Variants in RSPH14 observed in about 807,000 individuals in gnomAD.
RSPH14 encodes the protein radial spoke head 14 homolog.
Under a neutral mutation model 26.7 loss-of-function variants are expected in RSPH14, and 20 were observed. The observed-to-expected ratio is 0.75, with a 90% CI of 0.53 to 1.09. The LOEUF (loss-of-function observed/expected upper bound fraction) is 1.09. Ranked by LOEUF, RSPH14 falls within the 50% of genes least tolerant of loss-of-function variation. The pLI, the probability that RSPH14 is intolerant of heterozygous loss-of-function variation, is 0.00. For missense variants in RSPH14, 449 were observed against 457.2 expected (o/e 0.98, Z 0.16); for synonymous variants, 177 against 189.3 (o/e 0.93, Z 0.53).
At chr22:23,065,965 A>G (rs1026520973) in intron 4 of RSPH14, among the ~76,000 whole-genome samples, 8 of 151,782 alleles carry the variant, frequency 5.3e-5, no homozygotes, top group African/African-American at 1.7e-4. Flanking sequence ...TGCCCATACC[A>G]CACACCTGGC....
chr22:23,131,407 T>C (rs1048749956), intron 4 of RSPH14: 7 of 249,604 alleles, frequency 2.8e-5, no homozygotes, highest in African/African-American at 1.6e-4. Flanking sequence ...GGAAGAGTGC[T>C]CTGGGTGGGG....
At chr22:23,092,758 A>G (rs1026139081) in intron 4 of RSPH14, among the ~76,000 whole-genome samples, 2 of 152,212 alleles carry the variant, frequency 1.3e-5, no homozygotes, top group African/African-American at 4.8e-5. Flanking sequence ...GAGCACATAC[A>G]TCCCAAAGCA....
intron 4 of RSPH14, among the ~76,000 whole-genome samples, chr22:23,066,750 C>T (rs1395297906): frequency 6.6e-6 from 1 of 152,036 alleles, no homozygotes; most frequent in Non-Finnish European, 1.5e-5. Context: ...TGAGCGTCCG[C>T]TGGGGGTGGG....
At chr22:23,170,075 CAACTGAACAAGACCCTTTAAAAA>C in the RSPH14 span, among the ~76,000 whole-genome samples, 1 of 134,036 alleles carries the variant, frequency 7.5e-6, no homozygotes, top group Non-Finnish European at 1.6e-5. Context: ...CCCTCCTAAG[CAACTGAACAAGACCCTTTAAAAA>C]AAAAAAAAAA....
chr22:23,063,931 G>C lies in RSPH14; in HGVS notation c.624C>G (p.Ser208Arg), dbSNP rs1467607768. The change falls in exon 5 of 7, where the codon AGC becomes AGG. Residue 208 changes from serine (S) to arginine (R), a missense_variant. By Grantham distance (110) the Ser-to-Arg change is moderately radical. Transcript: ENST00000216036. ...KLLSANQNIR[S>R]KAARALLNVS... ...CATTAAGGAGCGCACGGGCGGCCTT[G>C]CTGCGGATGTTCTGGTTGGCGCTGA... 1.9e-6 allele frequency: 3 copies of C among 1,614,066 alleles called. No homozygotes were observed. Among genetic ancestry groups the C allele is most frequent in the East Asian group, 4.5e-5 (2 of 44,896 alleles).
At chr22:23,120,067 C>T (rs190307958) in intron 4 of RSPH14, among the ~76,000 whole-genome samples, 97 of 152,304 alleles carry the variant, frequency 6.4e-4, no homozygotes, top group Non-Finnish European at 1.1e-3. Context: ...ATGAGGCTGC[C>T]GCAGTGGCGG....
rs988540117 is a variant in RSPH14 at position 23,141,982 on chromosome 22, C to G, written c.-86G>C. The G allele has an allele frequency of 1.5e-5, 15 of 985,550 alleles. No individual in the cohort carries two copies. The Admixed American group carries it at 6.8e-4, about 44-fold the overall frequency. 61.1% of individuals were successfully genotyped at this position (985,550 alleles called of 1,614,324 possible). On this transcript the variant is annotated 5_prime_UTR_variant, in exon 1 of 7. Transcript: ENST00000216036. ...GCAGCCCTTTCTGCTTCCAGTAGCC[C>G]GCGCCACTGGCCAACCTATTCAGTT...
intron 4 of RSPH14, chr22:23,131,714 C>A (rs1302927207): frequency 9.4e-7 from 1 of 1,062,204 alleles, no homozygotes; most frequent in Non-Finnish European, 1.3e-6. Flanking sequence ...TTAGCTCAAC[C>A]CAGCACTGGT....
At chr22:23,176,574 G>A in the RSPH14 span, among the ~76,000 whole-genome samples, 1 of 151,890 alleles carries the variant, frequency 6.6e-6, no homozygotes, top group African/African-American at 2.4e-5. Flanking sequence ...AGACTTTGTC[G>A]CCCCCACGGC....
intron 4 of RSPH14, chr22:23,096,543 C>A: frequency 9.8e-7 from 1 of 1,018,350 alleles, no homozygotes; most frequent in Non-Finnish European, 1.4e-6. Flanking sequence ...CCTGGCCCTG[C>A]TGCACGATAA....
intron 4 of RSPH14, chr22:23,122,586 A>T (rs2070061473): frequency 6.2e-6 from 1 of 160,778 alleles, no homozygotes; most frequent in South Asian, 1.8e-4. Context: ...ACATGGAAGG[A>T]TCAGAGTTTT....
At chr22:23,163,293 G>A in the RSPH14 span, 399 of 154,468 alleles carry the variant, frequency 2.6e-3, 1 homozygote, top group East Asian at 0.025. Context: ...GCAATGGCAC[G>A]ATCTTGGCTC....
intron 4 of RSPH14, among the ~76,000 whole-genome samples, chr22:23,107,205 G>T (rs1378064718): frequency 6.6e-6 from 1 of 152,152 alleles, no homozygotes; most frequent in Non-Finnish European, 1.5e-5. Context: ...GGGGGAGGGG[G>T]CCACCGGCAA....
At chr22:23,069,562 C>CAGTG (rs1433198941) in intron 4 of RSPH14, among the ~76,000 whole-genome samples, 1 of 152,172 alleles carries the variant, frequency 6.6e-6, no homozygotes, top group Non-Finnish European at 1.5e-5. Context: ...AAGCGCCAAT[C>CAGTG]AGTGGCCTTA....
chr22:23,091,788 T>A (rs967359764), intron 4 of RSPH14, among the ~76,000 whole-genome samples: 1 of 152,356 alleles, frequency 6.6e-6, no homozygotes, highest in East Asian at 1.9e-4. Context: ...GCGTCCTGTT[T>A]CTCTTCAGTG....
At position 23,140,203 on chromosome 22, in the gene RSPH14, T is replaced by C; in HGVS notation, c.199+19A>G. The C allele has an allele frequency of 6.2e-7, 1 of 1,612,112 alleles. No homozygotes were observed. On this transcript the variant is annotated intron_variant, in intron 2 of 6. Transcript: ENST00000216036. Reference sequence around the variant, plus strand: ...TGCTAGGACCCCAGTCATGGTCACCTGTGCTGTGTCACGCTCACCTATGTT... The same window carrying C: ...TGCTAGGACCCCAGTCATGGTCACCCGTGCTGTGTCACGCTCACCTATGTT...
At chr22:23,116,941 T>C (rs980191294) in intron 4 of RSPH14, among the ~76,000 whole-genome samples, 7 of 152,140 alleles carry the variant, frequency 4.6e-5, no homozygotes, top group African/African-American at 1.7e-4. Flanking sequence ...ATGCCTCTGT[T>C]CCCTCTCCCA....
chr22:23,144,425 C>A (rs1255659468), upstream of RSPH14, among the ~76,000 whole-genome samples: 1 of 152,194 alleles, frequency 6.6e-6, no homozygotes, highest in East Asian at 1.9e-4. Context: ...AAAGCACTTT[C>A]ACCATCTCAG....
chr22:23,079,166 CTAAG>C (rs2068600233), intron 4 of RSPH14, among the ~76,000 whole-genome samples: 1 of 152,228 alleles, frequency 6.6e-6, no homozygotes, highest in Non-Finnish European at 1.5e-5. Flanking sequence ...GATAAACACT[CTAAG>C]TAAATTATAC....
Sources: allele counts gnomAD v4.1 joint callset (sites outside exome capture counted in the v4.1 genomes callset), GRCh38; gene constraint gnomAD v4.1.1; transcripts MANE v1.5; gene names NCBI Gene and HGNC (gene_info 2026-07-23, HGNC 2026-07-21).